CENPP: variants seen among roughly 807,000 people sequenced by gnomAD.
The protein encoded by CENPP is centromere protein P.
CENPP carries 24 observed loss-of-function variants against 35.6 expected under a neutral mutation model. That is an observed-to-expected ratio of 0.67 (90% CI 0.49 to 0.95). The LOEUF (loss-of-function observed/expected upper bound fraction) is 0.95. CENPP is among the 40% of genes least tolerant of loss of function. The pLI is 0.00. For missense variants in CENPP, 332 were observed against 345.3 expected (o/e 0.96, Z 0.31); for synonymous variants, 120 against 125.5 (o/e 0.96, Z 0.29).
Position 92,567,373 on chromosome 9 carries a change from G to GATATATATATATATATATATAT in CENPP, c.565-43939_565-43918dup. On this transcript the variant is annotated intron_variant, in intron 5 of 7. Transcript: ENST00000375587. ...ATGGGGTATACAGTTACATAAGATA[G>GATATATATATATATATATATAT]ATATATATATATATATATATATAGA... Among the ~76,000 whole-genome samples, 324 of 128,984 alleles carry GATATATATATATATATATATAT rather than the reference G, an allele frequency of 2.5e-3. 3 individuals carry two copies. Among genetic ancestry groups the GATATATATATATATATATATAT allele is most frequent in the South Asian group, 5.6e-3 (20 of 3,596 alleles). 84.6% of individuals were successfully genotyped at this position (128,984 alleles called of 152,430 possible).
chr9:92,540,758 A>C (rs1019054949), intron 5 of CENPP, among the ~76,000 whole-genome samples: 1 of 142,742 alleles, frequency 7.0e-6, no homozygotes, highest in Non-Finnish European at 1.5e-5. Context: ...GCAACAGAGC[A>C]CGACTCTGTC....
intron 5 of CENPP, among the ~76,000 whole-genome samples, chr9:92,427,877 A>G (rs1844008380): frequency 6.6e-6 from 1 of 152,230 alleles, no homozygotes; most frequent in East Asian, 1.9e-4. Context: ...AGTTGGTATC[A>G]GAGTGGTGAC....
intron 5 of CENPP, among the ~76,000 whole-genome samples, chr9:92,524,817 G>T (rs1468086679): frequency 1.3e-5 from 2 of 152,196 alleles, no homozygotes; most frequent in African/African-American, 4.8e-5. Flanking sequence ...GCTCAGTGAT[G>T]AAATTTATTT....
intron 5 of CENPP, among the ~76,000 whole-genome samples, chr9:92,585,075 G>A (rs1204705615): frequency 1.3e-5 from 2 of 152,242 alleles, no homozygotes; most frequent in East Asian, 1.9e-4. Context: ...ATATAGTAGA[G>A]GAAGCAGGGA....
intron 5 of CENPP, among the ~76,000 whole-genome samples, chr9:92,561,094 G>A (rs1214197318): frequency 6.6e-6 from 1 of 151,896 alleles, no homozygotes; most frequent in Non-Finnish European, 1.5e-5. Flanking sequence ...GCATAAATTA[G>A]CACCTCCATT....
chr9:92,450,922 C>T (rs188393554), intron 5 of CENPP, among the ~76,000 whole-genome samples: 5,390 of 152,094 alleles, frequency 0.035, 132 homozygotes, highest in Middle Eastern at 0.075. Flanking sequence ...TCATGTCGTT[C>T]GCCCACTTTT....
intron 5 of CENPP, among the ~76,000 whole-genome samples, chr9:92,432,485 C>T (rs977378716): frequency 2.0e-5 from 3 of 152,186 alleles, no homozygotes; most frequent in Non-Finnish European, 4.4e-5. Flanking sequence ...CTATAAACCA[C>T]GAGATGAAAG....
At chr9:92,541,957 C>A (rs934723637) in intron 5 of CENPP, among the ~76,000 whole-genome samples, 5 of 152,216 alleles carry the variant, frequency 3.3e-5, no homozygotes, top group Admixed American at 2.6e-4. Context: ...CCGCACCCAG[C>A]TAATTTTTGT....
chr9:92,497,206 A>C (rs958701751), intron 5 of CENPP, among the ~76,000 whole-genome samples: 1 of 152,262 alleles, frequency 6.6e-6, no homozygotes, highest in African/African-American at 2.4e-5. Context: ...AAGAGTGGAA[A>C]CACATGTCTA....
chr9:92,580,179 T>C (rs1358405569), intron 5 of CENPP, among the ~76,000 whole-genome samples: 1 of 152,220 alleles, frequency 6.6e-6, no homozygotes, highest in African/African-American at 2.4e-5. Flanking sequence ...ATAAGCTTTT[T>C]CATGTGCTGC....
chr9:92,509,821 A>C lies in CENPP; in HGVS notation c.565-101493A>C, dbSNP rs1588201881. 5.7e-6 allele frequency: 8 copies of C among 1,406,880 alleles called. No homozygotes were observed. In the East Asian group the frequency reaches 1.8e-4, roughly 32 times the overall value. The allele number at this position is 1,406,880 out of a possible 1,614,324, so 87.1% of individuals were successfully genotyped here. Reference sequence around the variant, plus strand: ...ATTTACTATTTATTCATTTGGCAATACAGTAAATAAAATTTCTACAGGACT... The same window carrying C: ...ATTTACTATTTATTCATTTGGCAATCCAGTAAATAAAATTTCTACAGGACT... On this transcript the variant is annotated intron_variant, in intron 5 of 7. Coordinates refer to ENST00000375587, the MANE Select transcript of CENPP (RefSeq NM_001012267.3).
intron 5 of CENPP, chr9:92,509,955 T>C: frequency 6.2e-7 from 1 of 1,611,156 alleles, no homozygotes; most frequent in Non-Finnish European, 8.5e-7. Flanking sequence ...TTTAAGTTCT[T>C]CTAATGTAGA....
chr9:92,462,260 G>A (rs1419939348), intron 5 of CENPP, among the ~76,000 whole-genome samples: 1 of 152,230 alleles, frequency 6.6e-6, no homozygotes, highest in Non-Finnish European at 1.5e-5. Context: ...TTACAGGCAT[G>A]AGCCACTGTG....
chr9:92,335,654 A>G (rs186535185), intron 2 of CENPP, among the ~76,000 whole-genome samples: 3 of 151,596 alleles, frequency 2.0e-5, no homozygotes, highest in East Asian at 1.9e-4. Flanking sequence ...TTCTTTCTCC[A>G]TTGAACTGCC....
At chr9:92,325,659 A>C (rs1481978573), upstream of CENPP, 2 of 291,510 alleles carry the variant, frequency 6.9e-6, no homozygotes, top group African/African-American at 2.2e-5. Context: ...CTGCCTCTTT[A>C]GTGAGGCACG....
chr9:92,457,200 A>G, intron 5 of CENPP: 2 of 1,498,512 alleles, frequency 1.3e-6, no homozygotes, highest in Admixed American at 2.1e-5. Flanking sequence ...TTGTATATAT[A>G]ATACTACCAT....
At chr9:92,349,063 CTG>C (rs1157320469) in intron 4 of CENPP, among the ~76,000 whole-genome samples, 3 of 152,160 alleles carry the variant, frequency 2.0e-5, no homozygotes, top group African/African-American at 7.2e-5. Context: ...TTATTTTGCC[CTG>C]TGTCACTCTA....
At chr9:92,356,288 G>T (rs1199076462) in intron 4 of CENPP, among the ~76,000 whole-genome samples, 1 of 152,144 alleles carries the variant, frequency 6.6e-6, no homozygotes, top group Admixed American at 6.5e-5. Context: ...CTTCTGGAAA[G>T]GGTGAGAAAA....
intron 5 of CENPP, among the ~76,000 whole-genome samples, chr9:92,470,292 T>C (rs1195314398): frequency 6.6e-6 from 1 of 152,234 alleles, no homozygotes; most frequent in East Asian, 1.9e-4. Context: ...TGTTAGAGAT[T>C]TGTGGTGTCT....
Sources: allele counts gnomAD v4.1 joint callset (sites outside exome capture counted in the v4.1 genomes callset), GRCh38; gene constraint gnomAD v4.1.1; transcripts MANE v1.5; gene names NCBI Gene and HGNC (gene_info 2026-07-23, HGNC 2026-07-21).